The following SLC39A14 variants were observed in gnomAD, a reference collection of about 807,000 sequenced individuals.
SLC39A14 encodes the protein solute carrier family 39 member 14.
Under a neutral mutation model 45.5 loss-of-function variants are expected in SLC39A14, and 19 were observed. That is an observed-to-expected ratio of 0.42 (90% confidence interval 0.29 to 0.61). The LOEUF is 0.61. Ranked by LOEUF, SLC39A14 falls within the 20% of genes least tolerant of loss-of-function variation. The pLI is 0.22. For missense variants in SLC39A14, 447 were observed against 616.5 expected (o/e 0.73, Z 2.91); for synonymous variants, 264 against 251.3 (o/e 1.05, Z -0.48).
chr8:22,428,640 A>T (rs1263535508), intron 8 of SLC39A14, among the ~76,000 whole-genome samples: 1 of 151,606 alleles, frequency 6.6e-6, no homozygotes, highest in African/African-American at 2.4e-5. Flanking sequence ...ACAGGGTTTC[A>T]CCATGTTGGC....
chr8:22,411,824 A>G, intron 3 of SLC39A14: 1 of 556,362 alleles, frequency 1.8e-6, no homozygotes. Context: ...ATTTCATCAG[A>G]TGTGAATCAC....
At chr8:22,417,971 C>T in intron 8 of SLC39A14, 136 bp downstream of exon 8, 1 of 691,840 alleles carries the variant, frequency 1.4e-6, no homozygotes, top group Non-Finnish European at 2.3e-6. Context: ...GGCATGATCT[C>T]AGCTCACTGC....
At position 22,433,909 on chromosome 8, in the gene SLC39A14, GC is replaced by G; in HGVS notation, c.1354del (p.Gln452ArgfsTer19). On this transcript the variant is annotated frameshift_variant, in exon 9 of 9. Transcript: ENST00000240095. LOFTEE classifies it high-confidence loss of function. ...TTTTTAGATGGAGTTTTGCTCTGTT[GC>G]CCAGGCTGGAGTGCAATGGTGCCAT... 2.5e-6 allele frequency: 1 copy of G among 403,842 alleles called. No homozygotes were observed. 25.0% of individuals were successfully genotyped at this position (403,842 alleles called of 1,614,324 possible).
intron 1 of SLC39A14, among the ~76,000 whole-genome samples, chr8:22,371,648 G>A (rs1181613783): frequency 2.0e-5 from 3 of 151,398 alleles, no homozygotes; most frequent in Middle Eastern, 3.3e-3. Flanking sequence ...GGCCAGGCTG[G>A]TTTTGAACTC....
chr8:22,371,066 G>C (rs1047435370), intron 1 of SLC39A14, among the ~76,000 whole-genome samples: 1 of 152,178 alleles, frequency 6.6e-6, no homozygotes, highest in Non-Finnish European at 1.5e-5. Context: ...GGGGCCCCTG[G>C]TTGGGCCTGG....
At chr8:22,429,088 C>T (rs982908049) in intron 8 of SLC39A14, among the ~76,000 whole-genome samples, 4 of 151,916 alleles carry the variant, frequency 2.6e-5, no homozygotes, top group Admixed American at 6.6e-5. Context: ...CTGGCTAACA[C>T]GGTGAAACCC....
At chr8:22,414,131 CTT>C (rs560288932) in intron 4 of SLC39A14, among the ~76,000 whole-genome samples, 114 of 152,250 alleles carry the variant, frequency 7.5e-4, no homozygotes, top group African/African-American at 2.5e-3. Flanking sequence ...ACAGAATTCT[CTT>C]GATTTCTACT....
intron 1 of SLC39A14, among the ~76,000 whole-genome samples, chr8:22,403,488 C>T (rs113438012): frequency 0.031 from 4,735 of 150,784 alleles, 238 homozygotes; most frequent in African/African-American, 0.11. Flanking sequence ...ACCATGTTGG[C>T]TCAGCTGGTC....
At chr8:22,376,771 G>T (rs780205959) in intron 1 of SLC39A14, among the ~76,000 whole-genome samples, 2 of 151,992 alleles carry the variant, frequency 1.3e-5, no homozygotes, top group Non-Finnish European at 2.9e-5. Flanking sequence ...GCAGCTACTC[G>T]GGAGGCTGAG....
intron 1 of SLC39A14, among the ~76,000 whole-genome samples, chr8:22,384,267 G>C (rs1272296262): frequency 1.3e-5 from 2 of 152,174 alleles, no homozygotes; most frequent in Non-Finnish European, 2.9e-5. Flanking sequence ...GAAACAGCCT[G>C]TACTTGTGGA....
Position 22,419,830 on chromosome 8 carries a change from C to A in SLC39A14, c.*132C>A. 7.2e-7 allele frequency: 1 copy of A among 1,394,574 alleles called. No individual in the cohort carries two copies. Among genetic ancestry groups the A allele is most frequent in the Non-Finnish European group, 9.3e-7 (1 of 1,077,160 alleles). 86.4% of individuals were successfully genotyped at this position (1,394,574 alleles called of 1,614,324 possible). On this transcript the variant is annotated 3_prime_UTR_variant, in exon 9 of 9. Transcript: ENST00000381237. ...AAAACTGACACAGACTGTATTCCTG[C>A]ATTCAAATGTCAGCCGTTTGTAAAA...
intron 1 of SLC39A14, chr8:22,393,253 T>C: frequency 2.0e-6 from 2 of 985,080 alleles, no homozygotes; most frequent in Non-Finnish European, 2.4e-6. Flanking sequence ...GAGCAGTAGG[T>C]GGGAGGGCAA....
intron 1 of SLC39A14, among the ~76,000 whole-genome samples, chr8:22,398,055 G>A (rs1834610694): frequency 6.6e-6 from 1 of 152,120 alleles, no homozygotes; most frequent in Non-Finnish European, 1.5e-5. Flanking sequence ...GAAGACAGCT[G>A]CGGGGACGTC....
intron 8 of SLC39A14, among the ~76,000 whole-genome samples, chr8:22,428,063 C>T (rs1201171739): frequency 1.3e-5 from 2 of 152,152 alleles, no homozygotes; most frequent in East Asian, 3.9e-4. Flanking sequence ...CTCTGGGAGG[C>T]TGAGGCGGGT....
intron 1 of SLC39A14, 40 bp from the exon 2 acceptor site, chr8:22,404,656 A>T (rs987616209): frequency 6.5e-5 from 102 of 1,578,002 alleles, no homozygotes; most frequent in Non-Finnish European, 8.3e-5. Context: ...GCCGGCACAC[A>T]GGGAGAGGCC....
chr8:22,372,695 A>G (rs1832999267), intron 1 of SLC39A14, among the ~76,000 whole-genome samples: 2 of 152,142 alleles, frequency 1.3e-5, no homozygotes, highest in Admixed American at 1.3e-4. Context: ...TTTGCAACAA[A>G]TCTTTCTAGA....
At chr8:22,418,011 G>A (rs768132884) in intron 8 of SLC39A14, among the ~76,000 whole-genome samples, 176 bp downstream of exon 8, 4 of 151,658 alleles carry the variant, frequency 2.6e-5, no homozygotes, top group Admixed American at 1.3e-4. Flanking sequence ...CAAGTGATTC[G>A]CCTGCCTCAG....
Position 22,420,442 on chromosome 8 carries a change from C to G in SLC39A14, c.*744C>G, listed in dbSNP as rs1836162687. 3 of 985,304 alleles carry G rather than the reference C, an allele frequency of 3.0e-6. No individual in the cohort carries two copies. The highest frequency in any genetic ancestry group is 9.4e-5 in the South Asian group (2 of 21,284). The allele number at this position is 985,304 out of a possible 1,614,324, so 61.0% of individuals were successfully genotyped here. ...GTGTGGCTGCCTGGACCTCCTCTTT[C>G]AGGTTAACGCTGACAGAATGGAGGC... On this transcript the variant is annotated 3_prime_UTR_variant, in exon 9 of 9. Coordinates refer to ENST00000381237, the MANE Select transcript of SLC39A14 (RefSeq NM_001128431.4).
chr8:22,395,399 C>G (rs984569097), intron 1 of SLC39A14, among the ~76,000 whole-genome samples: 4 of 152,204 alleles, frequency 2.6e-5, no homozygotes, highest in Admixed American at 6.5e-5. Flanking sequence ...TCTTGTCCAT[C>G]TGCATTCACT....
Sources: allele counts gnomAD v4.1 joint callset (sites outside exome capture counted in the v4.1 genomes callset), GRCh38; gene constraint gnomAD v4.1.1; transcripts MANE v1.5; gene names NCBI Gene and HGNC (gene_info 2026-07-23, HGNC 2026-07-21).